Variants in KLHL1 observed in about 807,000 individuals in gnomAD.
KLHL1 encodes kelch like family member 1.
A neutral mutation model predicts 77.7 loss-of-function variants in KLHL1; 47 were observed. The ratio of observed to expected loss-of-function variants is 0.60; its 90% CI spans 0.48 to 0.77. The LOEUF (loss-of-function observed/expected upper bound fraction) is 0.77, where lower values mean the gene tolerates loss of function less well. Ranked by LOEUF, KLHL1 falls within the 30% of genes least tolerant of loss-of-function variation. KLHL1 has a pLI of 0.00. For missense variants in KLHL1, 925 were observed against 910.8 expected, an observed-to-expected ratio of 1.02 and a Z score of -0.20; for synonymous variants, 360 against 325.2, an observed-to-expected ratio of 1.11 and a Z score of -1.15.
chr13:70,030,296 T>A (rs1392595974), intron 1 of KLHL1, among the ~76,000 whole-genome samples: 1 of 152,188 alleles, frequency 6.6e-6, no homozygotes, highest in Non-Finnish European at 1.5e-5. Flanking sequence ...TACACATTCT[T>A]CTCAGCACAC....
chr13:69,931,014 T>C (rs116200472), intron 4 of KLHL1, among the ~76,000 whole-genome samples: 241 of 148,474 alleles, frequency 1.6e-3, no homozygotes, highest in African/African-American at 5.9e-3. Flanking sequence ...TATGTACTAT[T>C]ACCACCTTAA....
chr13:70,108,048 C>A lies in KLHL1; in HGVS notation c.-349G>T, dbSNP rs768312355. 4 of 421,216 alleles carry A rather than the reference C, an allele frequency of 9.5e-6. No homozygotes were observed. Among genetic ancestry groups the A allele is most frequent in the Non-Finnish European group, 1.7e-5 (4 of 239,036 alleles). The allele number at this position is 421,216 out of a possible 1,614,324, so 26.1% of individuals were successfully genotyped here. A position where few individuals can be genotyped will look rare whatever the true frequency, so the allele number is the denominator to read the frequency against. On this transcript the variant is annotated 5_prime_UTR_variant, in exon 1 of 11. Transcript: ENST00000377844. ...GGACAACCCTTAGGCTGGAGATGCG[C>A]GAGGGAGGGAGGTCTGAGCGCTCCG...
intron 1 of KLHL1, among the ~76,000 whole-genome samples, chr13:70,075,834 T>C (rs899447555): frequency 6.7e-6 from 1 of 149,306 alleles, no homozygotes; most frequent in African/African-American, 2.5e-5. Flanking sequence ...GTCAATTGCT[T>C]TCCTATACAC....
At chr13:69,890,877 T>G (rs1566369396) in intron 4 of KLHL1, among the ~76,000 whole-genome samples, 1 of 152,076 alleles carries the variant, frequency 6.6e-6, no homozygotes, top group Non-Finnish European at 1.5e-5. Context: ...ATATTGCTTC[T>G]TTGCATACAT....
chr13:69,956,235 T>C (rs1462085504), intron 3 of KLHL1, among the ~76,000 whole-genome samples: 2 of 147,908 alleles, frequency 1.4e-5, no homozygotes, highest in African/African-American at 4.9e-5. Flanking sequence ...AACAAAAAGT[T>C]GTATTTAGTG....
At chr13:69,783,989 G>T (rs1383201231) in intron 7 of KLHL1, among the ~76,000 whole-genome samples, 2 of 152,144 alleles carry the variant, frequency 1.3e-5, no homozygotes, top group Non-Finnish European at 2.9e-5. Context: ...TGATCTCTCA[G>T]CAGAAACTCT....
chr13:69,707,581 T>C (rs1203822948), intron 10 of KLHL1, 44 bp downstream of exon 10: 11 of 1,557,082 alleles, frequency 7.1e-6, no homozygotes, highest in Non-Finnish European at 8.8e-6. Flanking sequence ...GTAAATGAAA[T>C]AAATTCTTAT....
At chr13:69,803,528 C>T (rs9564619) in intron 6 of KLHL1, among the ~76,000 whole-genome samples, 37,088 of 152,106 alleles carry the variant, frequency 0.24, 4,587 homozygotes, top group South Asian at 0.31. Context: ...AGAACCTGTG[C>T]ATATGTTGAA....
chr13:69,940,291 T>G, intron 3 of KLHL1, 55 bp from the exon 4 acceptor site: 2 of 1,349,656 alleles, frequency 1.5e-6, no homozygotes, highest in Non-Finnish European at 2.0e-6. Flanking sequence ...AAATAATATG[T>G]ATCATAACAC....
intron 1 of KLHL1, among the ~76,000 whole-genome samples, chr13:70,071,030 A>G (rs1887126349): frequency 6.6e-6 from 1 of 152,136 alleles, no homozygotes; most frequent in South Asian, 2.1e-4. Context: ...TGTAGAATAC[A>G]GTTACAAACA....
chr13:69,840,938 A>G (rs1272472772), intron 5 of KLHL1, among the ~76,000 whole-genome samples: 1 of 151,772 alleles, frequency 6.6e-6, no homozygotes, highest in Admixed American at 6.6e-5. Flanking sequence ...TTTCATTGCC[A>G]CAGAAGGAAA....
chr13:69,729,503 T>C (rs1236549203), intron 8 of KLHL1, among the ~76,000 whole-genome samples: 1 of 151,130 alleles, frequency 6.6e-6, no homozygotes, highest in Non-Finnish European at 1.5e-5. Context: ...TGTTACGTGA[T>C]AGCAAAACAA....
chr13:69,785,513 G>GT (rs1876489521), intron 7 of KLHL1, among the ~76,000 whole-genome samples: 1 of 151,682 alleles, frequency 6.6e-6, no homozygotes, highest in Non-Finnish European at 1.5e-5. Context: ...GCAGTGTGTG[G>GT]GTAGAGGGAA....
At chr13:69,995,674 A>T (rs1003260087) in intron 1 of KLHL1, among the ~76,000 whole-genome samples, 4 of 152,132 alleles carry the variant, frequency 2.6e-5, no homozygotes, top group Non-Finnish European at 5.9e-5. Flanking sequence ...GAATTGAAGT[A>T]AGTACCTCAC....
At chr13:69,720,048 A>C (rs1872973534) in intron 8 of KLHL1, among the ~76,000 whole-genome samples, 1 of 152,076 alleles carries the variant, frequency 6.6e-6, no homozygotes, top group Admixed American at 6.6e-5. Context: ...TAGAACAATA[A>C]ATAAATGTAA....
At chr13:69,977,006 G>C (rs1189948996) in intron 1 of KLHL1, among the ~76,000 whole-genome samples, 1 of 152,058 alleles carries the variant, frequency 6.6e-6, no homozygotes. Flanking sequence ...ATAATACGAA[G>C]ACTGAAACCT....
At chr13:69,710,822 T>G (rs1185279100) in intron 9 of KLHL1, among the ~76,000 whole-genome samples, 8 of 152,144 alleles carry the variant, frequency 5.3e-5, no homozygotes, top group East Asian at 1.9e-4. Context: ...TTGTTTGTTT[T>G]TTTAATAAGG....
At chr13:69,789,258 A>T (rs1876737819) in intron 7 of KLHL1, among the ~76,000 whole-genome samples, 1 of 147,732 alleles carries the variant, frequency 6.8e-6, no homozygotes, top group Non-Finnish European at 1.5e-5. Flanking sequence ...TTACTTTTTT[A>T]AATTATTTTA....
rs1682502374 is a variant in KLHL1, at chr13:69,852,201, C to T, written c.1228-13039G>A. Among the ~76,000 whole-genome samples, 4 of 151,904 alleles carry T rather than the reference C, an allele frequency of 2.6e-5. No individual in the cohort carries two copies. In the South Asian group the frequency reaches 8.3e-4, roughly 31 times the overall value. ...TAATGGTCATCCTTAAGCATAGCTT[C>T]CTTGAGAGGGATACATCTGCAAGGC... On this transcript the variant is annotated intron_variant, in intron 5 of 10. Coordinates refer to ENST00000377844, the MANE Select transcript of KLHL1 (RefSeq NM_020866.3).
Sources: allele counts gnomAD v4.1 joint callset (sites outside exome capture counted in the v4.1 genomes callset), GRCh38; gene constraint gnomAD v4.1.1; transcripts MANE v1.5; gene names NCBI Gene and HGNC (gene_info 2026-07-23, HGNC 2026-07-21).